AKT3: variants seen among roughly 807,000 people sequenced by gnomAD.
AKT3 encodes the protein AKT serine/threonine kinase 3.
Under a neutral mutation model 65.3 loss-of-function variants are expected in AKT3, and 15 were observed. The ratio of observed to expected loss-of-function variants is 0.23; its 90% CI spans 0.15 to 0.35. AKT3 has a LOEUF of 0.35. AKT3 is among the 10% of genes least tolerant of loss of function. AKT3 has a pLI of 1.00. For synonymous variants in AKT3, 206 were observed against 183.8 expected, an observed-to-expected ratio of 1.12 and a Z score of -0.98; for missense variants, 243 against 576.5, an observed-to-expected ratio of 0.42 and a Z score of 5.92.
intron 2 of AKT3, among the ~76,000 whole-genome samples, chr1:243,790,880 T>A (rs1691591940): frequency 6.6e-6 from 1 of 152,190 alleles, no homozygotes; most frequent in African/African-American, 2.4e-5. Flanking sequence ...ATTTATTAAG[T>A]TCATCACCTC....
At chr1:243,783,414 C>A (rs1425815200) in intron 2 of AKT3, among the ~76,000 whole-genome samples, 3 of 152,214 alleles carry the variant, frequency 2.0e-5, no homozygotes, top group Admixed American at 1.3e-4. Context: ...CATACCCTAA[C>A]TCCACAGGAC....
chr1:243,522,186 T>C (rs1301211338), intron 12 of AKT3, among the ~76,000 whole-genome samples: 1 of 152,152 alleles, frequency 6.6e-6, no homozygotes, highest in Non-Finnish European at 1.5e-5. Flanking sequence ...CAATCTACTT[T>C]CTCCCTTCTT....
intron 9 of AKT3, among the ~76,000 whole-genome samples, chr1:243,567,951 A>T (rs952555822): frequency 6.6e-6 from 1 of 152,204 alleles, no homozygotes; most frequent in Non-Finnish European, 1.5e-5. Flanking sequence ...GTCTTTCCAA[A>T]GCATATCAAT....
chr1:243,678,799 T>C (rs936036806), intron 3 of AKT3, among the ~76,000 whole-genome samples: 1 of 152,234 alleles, frequency 6.6e-6, no homozygotes, highest in East Asian at 1.9e-4. Context: ...GTTGGTTGTT[T>C]ATGAAAGGAA....
chr1:243,565,796 T>C (rs1674115547), intron 9 of AKT3, among the ~76,000 whole-genome samples: 1 of 152,208 alleles, frequency 6.6e-6, no homozygotes, highest in African/African-American at 2.4e-5. Context: ...TGAGAAACGT[T>C]AAGTATATAC....
At chr1:243,800,750 A>C (rs2148365677) in intron 2 of AKT3, among the ~76,000 whole-genome samples, 1 of 152,248 alleles carries the variant, frequency 6.6e-6, no homozygotes, top group Non-Finnish European at 1.5e-5. Flanking sequence ...TATGTATAAT[A>C]ATCACACTGG....
intron 4 of AKT3, among the ~76,000 whole-genome samples, chr1:243,651,745 G>C (rs930797959): frequency 9.2e-5 from 14 of 152,130 alleles, no homozygotes; most frequent in African/African-American, 3.1e-4. Flanking sequence ...GGATGAAGCT[G>C]ACTTGATCGT....
upstream of AKT3, among the ~76,000 whole-genome samples, chr1:243,850,576 G>A (rs1281182879): frequency 1.3e-5 from 2 of 151,234 alleles, no homozygotes; most frequent in Non-Finnish European, 3.0e-5. Flanking sequence ...CCCGCTCGGG[G>A]CCGCCGCCGA....
intron 2 of AKT3, among the ~76,000 whole-genome samples, chr1:243,781,547 T>C (rs567384206): frequency 6.6e-6 from 1 of 152,330 alleles, no homozygotes; most frequent in African/African-American, 2.4e-5. Flanking sequence ...CCCTATTTTT[T>C]ACCCAGTATA....
Position 243,725,487 on chromosome 1 carries a change from A to C in AKT3, c.47-29771T>G, listed in dbSNP as rs186160552. On this transcript the variant is annotated intron_variant, in intron 2 of 13. Transcript: ENST00000673466. ...AATATGTGACCAATCTAGCAGAATAACAGAACAGAACTCAGCCTTTTTTGT... is the reference window on the plus strand; with the variant it reads ...AATATGTGACCAATCTAGCAGAATACCAGAACAGAACTCAGCCTTTTTTGT... Among the ~76,000 whole-genome samples the C allele has an allele frequency of 3.1e-3, 467 of 152,286 alleles. 4 individuals are homozygous for C. Among genetic ancestry groups the C allele is most frequent in the African/African-American group, 0.011 (441 of 41,546 alleles).
rs116042370 is a variant in AKT3 at position 243,766,795 on chromosome 1, T to C, written c.47-71079A>G. ...ATGAAAACATAAATAGCATGTATTT[T>C]GAAGGAATAATTAACAGTAGAAGAT... is the stretch of plus-strand genomic sequence containing the variant. On this transcript the variant is annotated intron_variant, in intron 2 of 13. Coordinates refer to ENST00000673466, the MANE Select transcript of AKT3 (RefSeq NM_005465.7). Among the ~76,000 whole-genome samples, 325 of 152,234 alleles carry C rather than the reference T, an allele frequency of 2.1e-3. 1 individual carries two copies. Among genetic ancestry groups the C allele is most frequent in the Non-Finnish European group, 3.4e-3 (232 of 67,998 alleles).
At chr1:243,641,656 C>T (rs1315579347) in intron 5 of AKT3, among the ~76,000 whole-genome samples, 1 of 152,024 alleles carries the variant, frequency 6.6e-6, no homozygotes, top group East Asian at 1.9e-4. Flanking sequence ...TTATTCTTGG[C>T]TGGGCGTGGT....
intron 8 of AKT3, among the ~76,000 whole-genome samples, chr1:243,599,084 C>G (rs1676830459): frequency 6.6e-6 from 1 of 151,960 alleles, no homozygotes. Context: ...TAAATATGTA[C>G]AAATTATTTA....
chr1:243,511,507 T>C (rs1167345783), intron 13 of AKT3, among the ~76,000 whole-genome samples: 1 of 152,002 alleles, frequency 6.6e-6, no homozygotes, highest in African/African-American at 2.4e-5. Context: ...GGAGAAGACA[T>C]ATAGGGAAGG....
intron 2 of AKT3, among the ~76,000 whole-genome samples, chr1:243,840,982 A>T (rs1695205887): frequency 6.6e-6 from 1 of 152,168 alleles, no homozygotes; most frequent in South Asian, 2.1e-4. Flanking sequence ...TAAAATGATT[A>T]TCTCTGACAA....
intron 4 of AKT3, among the ~76,000 whole-genome samples, chr1:243,651,984 C>T (rs1377174110): frequency 6.6e-6 from 1 of 151,752 alleles, no homozygotes; most frequent in Non-Finnish European, 1.5e-5. Context: ...GATCTCTCTG[C>T]AGAAACCCTA....
intron 13 of AKT3, among the ~76,000 whole-genome samples, chr1:243,492,853 C>T (rs1666909497): frequency 6.6e-6 from 1 of 152,084 alleles, no homozygotes; most frequent in Non-Finnish European, 1.5e-5. Flanking sequence ...GTGATCTGCC[C>T]ACCTTGGCCT....
intron 10 of AKT3, among the ~76,000 whole-genome samples, chr1:243,553,384 T>C (rs796882466): frequency 1.5e-4 from 23 of 152,306 alleles, no homozygotes; most frequent in African/African-American, 5.5e-4. Context: ...TAAGAAGAAC[T>C]AAGTAATACA....
chr1:243,629,547 C>G (rs538957855), intron 6 of AKT3, among the ~76,000 whole-genome samples: 1 of 152,108 alleles, frequency 6.6e-6, no homozygotes, highest in Non-Finnish European at 1.5e-5. Context: ...AATCCCAGCA[C>G]TTTGGGAGGC....
Sources: gnomAD v4.1 joint callset for allele counts (sites outside exome capture counted in the v4.1 genomes callset) on GRCh38, gnomAD v4.1.1 for gene constraint, MANE v1.5 for transcripts, NCBI Gene and HGNC (gene_info 2026-07-23, HGNC 2026-07-21) for gene names.